The following FAM107A variants were observed in gnomAD, a reference collection of about 807,000 sequenced individuals.
The protein encoded by FAM107A is actin-associated protein FAM107A.
In FAM107A, 19 loss-of-function variants were observed where a neutral mutation model predicts 13.7. The observed-to-expected ratio is 1.38, with a 90% confidence interval of 0.97 to 2.03. FAM107A has a LOEUF of 2.03. Among genes scored for constraint, FAM107A ranks in the 30% most tolerant of loss-of-function variants. The pLI is 0.00. For missense variants in FAM107A, 203 were observed against 184.4 expected, an observed-to-expected ratio of 1.10 and a Z score of -0.58; for synonymous variants, 82 against 74.5, an observed-to-expected ratio of 1.10 and a Z score of -0.52.
intron 1 of FAM107A, among the ~76,000 whole-genome samples, chr3:58,593,690 T>C (rs967383885): frequency 1.3e-5 from 2 of 151,834 alleles, no homozygotes; most frequent in Non-Finnish European, 2.9e-5. Flanking sequence ...CACTCCCTCC[T>C]CACCATTTCT....
intron 1 of FAM107A, among the ~76,000 whole-genome samples, chr3:58,593,075 C>A (rs749537922): frequency 1.5e-4 from 23 of 152,156 alleles, no homozygotes; most frequent in Non-Finnish European, 2.4e-4. Flanking sequence ...CTATAGTACT[C>A]CAACTGCCTT....
chr3:58,607,566 ATGTG>A (rs2065806925), intron 1 of FAM107A: 1 of 151,674 alleles, frequency 6.6e-6, no homozygotes, highest in Non-Finnish European at 1.5e-5. Context: ...GGATTTGTAT[ATGTG>A]CATGTATGTG....
exon 1 of FAM107A, chr3:58,587,087 G>A: frequency 7.3e-7 from 1 of 1,366,868 alleles, no homozygotes; most frequent in Non-Finnish European, 9.4e-7. Flanking sequence ...GGCCGGAGGG[G>A]CGGGCGAGGA....
In FAM107A at chr3:58,617,534, C is replaced by T. The variant is rs1575458123; in HGVS notation, c.-70+9882G>A. Among the ~76,000 whole-genome samples, 1 of 152,196 alleles carries T rather than the reference C, an allele frequency of 6.6e-6. No homozygotes were observed. Among genetic ancestry groups the T allele is most frequent in the East Asian group, 1.9e-4 (1 of 5,164 alleles). Reference sequence around the variant, plus strand: ...CCTCGCCTTTCTCTCCGCCCCAGGCCCTGAGATCTGATCTCTTACTTACAC... The same window carrying T: ...CCTCGCCTTTCTCTCCGCCCCAGGCTCTGAGATCTGATCTCTTACTTACAC... On this transcript the variant is annotated intron_variant, in intron 1 of 3. Coordinates refer to the FAM107A transcript ENST00000465970. This position sits in a 1 kb window ranked among gnomAD's most constrained non-coding sequence, Gnocchi z 4.5.
chr3:58,580,306 C>A (rs1173002649), upstream of FAM107A, among the ~76,000 whole-genome samples: 1 of 150,160 alleles, frequency 6.7e-6, no homozygotes, highest in Non-Finnish European at 1.5e-5. Flanking sequence ...CAGAGGTCAA[C>A]TCTAGATCAG....
At chr3:58,587,040 AAG>A in exon 1 of FAM107A, 2 of 1,375,036 alleles carry the variant, frequency 1.5e-6, no homozygotes, top group Non-Finnish European at 1.9e-6. Context: ...ACGCGGCCCC[AAG>A]TCCCAAACCC....
At chr3:58,572,479 G>A (rs557373276) in intron 1 of FAM107A, among the ~76,000 whole-genome samples, 1 of 152,330 alleles carries the variant, frequency 6.6e-6, no homozygotes, top group African/African-American at 2.4e-5. Flanking sequence ...GGAACAGCAT[G>A]TGTGACTCAT....
At chr3:58,625,991 T>C (rs1312496095) in intron 1 of FAM107A, among the ~76,000 whole-genome samples, 1 of 152,166 alleles carries the variant, frequency 6.6e-6, no homozygotes, top group Non-Finnish European at 1.5e-5. Context: ...GGCATCATCT[T>C]GTTGAACTTC....
intron 1 of FAM107A, among the ~76,000 whole-genome samples, chr3:58,616,973 T>C (rs1345398307): frequency 2.0e-5 from 3 of 152,152 alleles, no homozygotes; most frequent in Non-Finnish European, 4.4e-5. Context: ...GGGGTTTCAC[T>C]GTGTTAGCCA....
At chr3:58,608,376 G>C (rs886664322) in intron 1 of FAM107A, among the ~76,000 whole-genome samples, 2 of 152,180 alleles carry the variant, frequency 1.3e-5, no homozygotes, top group African/African-American at 4.8e-5. Flanking sequence ...GCTTGTCTAA[G>C]GTCACATAGC....
upstream of FAM107A, among the ~76,000 whole-genome samples, chr3:58,580,003 G>A (rs535346742): frequency 2.8e-4 from 43 of 152,230 alleles, no homozygotes; most frequent in Middle Eastern, 3.4e-3. Context: ...CCTTGACAGC[G>A]CTGAGCTTGT....
upstream of FAM107A, among the ~76,000 whole-genome samples, chr3:58,588,162 T>A (rs2065625812): frequency 6.6e-6 from 1 of 152,182 alleles, no homozygotes; most frequent in South Asian, 2.1e-4. Context: ...CCCAATCCAG[T>A]TCTCAGCCCA....
intron 1 of FAM107A, chr3:58,607,873 C>T (rs1028125245): frequency 3.3e-5 from 5 of 152,168 alleles, no homozygotes; most frequent in African/African-American, 4.8e-5. Context: ...CTTTCTCAGT[C>T]GAGCCTCTGA....
At chr3:58,603,682 G>T (rs1050365078) in intron 1 of FAM107A, among the ~76,000 whole-genome samples, 6 of 152,126 alleles carry the variant, frequency 3.9e-5, no homozygotes, top group Admixed American at 1.3e-4. Flanking sequence ...AATGGGAAGA[G>T]GGTAACCTGC....
chr3:58,579,183 C>T (rs571171385), upstream of FAM107A, among the ~76,000 whole-genome samples: 3 of 151,866 alleles, frequency 2.0e-5, no homozygotes. Flanking sequence ...GGAGAGTCTT[C>T]GTAGGGTGGG....
chr3:58,621,882 C>A (rs902789882), intron 1 of FAM107A, among the ~76,000 whole-genome samples: 1 of 152,208 alleles, frequency 6.6e-6, no homozygotes, highest in East Asian at 1.9e-4. Context: ...ACTAGCCCTG[C>A]CACTTCCTTA....
chr3:58,602,957 T>C, intron 1 of FAM107A, among the ~76,000 whole-genome samples: 1 of 152,186 alleles, frequency 6.6e-6, no homozygotes, highest in Admixed American at 6.5e-5. Context: ...GTGAATAATG[T>C]TTGGAAGAAT....
intron 1 of FAM107A, among the ~76,000 whole-genome samples, chr3:58,616,564 CA>C (rs1403324212): frequency 1.7e-3 from 254 of 149,884 alleles, no homozygotes; most frequent in African/African-American, 6.1e-3. Context: ...CACACACACA[CA>C]CACCACCACT....
intron 1 of FAM107A, among the ~76,000 whole-genome samples, chr3:58,585,368 C>T (rs1232351333): frequency 2.0e-5 from 3 of 152,262 alleles, no homozygotes; most frequent in Admixed American, 6.5e-5. Context: ...TGTCCCGCCT[C>T]AGCAAGATTT....
Sources: gnomAD v4.1 joint callset for allele counts (sites outside exome capture counted in the v4.1 genomes callset) on GRCh38, gnomAD v4.1.1 for gene constraint, Gnocchi (gnomAD v3.1) non-coding constraint, MANE v1.5 for transcripts, NCBI Gene and HGNC (gene_info 2026-07-23, HGNC 2026-07-21) for gene names.